Variants in PDK1 observed in about 807,000 individuals in gnomAD.
PDK1 encodes [Pyruvate dehydrogenase (acetyl-transferring)] kinase isozyme 1, mitochondrial.
PDK1 carries 39 observed loss-of-function variants against 54.2 expected under a neutral mutation model. That is an observed-to-expected ratio of 0.72 (90% confidence interval 0.56 to 0.94). The LOEUF (loss-of-function observed/expected upper bound fraction) is 0.94, where lower values mean the gene tolerates loss of function less well. Among genes scored for constraint, PDK1 ranks in the 40% least tolerant of loss-of-function variants. PDK1 has a pLI of 0.00. For missense variants in PDK1, 552 were observed against 566.0 expected (o/e 0.98, Z 0.25); for synonymous variants, 221 against 207.1 (o/e 1.07, Z -0.58).
chr2:172,660,245 CTCTT>C, the PDK1 span, among the ~76,000 whole-genome samples: 16 of 55,658 alleles, frequency 2.9e-4, no homozygotes, highest in African/African-American at 1.0e-3. Context: ...CTCTCTCTCT[CTCTT>C]TTTTTTTTTT....
chr2:172,681,185 G>A, the PDK1 span, among the ~76,000 whole-genome samples: 2 of 152,178 alleles, frequency 1.3e-5, no homozygotes, highest in African/African-American at 2.4e-5. Context: ...TATTGGGAAC[G>A]AAAGTTGTGC....
chr2:172,676,270 C>T, the PDK1 span, among the ~76,000 whole-genome samples: 1 of 152,118 alleles, frequency 6.6e-6, no homozygotes, highest in South Asian at 2.1e-4. Context: ...TTGAGAAATA[C>T]ATTTTGTAAG....
chr2:172,650,867 C>T, the PDK1 span, among the ~76,000 whole-genome samples: 2 of 152,160 alleles, frequency 1.3e-5, no homozygotes, highest in Non-Finnish European at 2.9e-5. Context: ...CTTAGACTCC[C>T]ACACAATAAT....
At chr2:172,645,674 T>G in the PDK1 span, among the ~76,000 whole-genome samples, 1 of 152,174 alleles carries the variant, frequency 6.6e-6, no homozygotes, top group Non-Finnish European at 1.5e-5. Context: ...GAAAAACGAC[T>G]TAGACTGTGT....
chr2:172,584,485 G>A (rs1690097410), intron 8 of PDK1, among the ~76,000 whole-genome samples: 1 of 151,186 alleles, frequency 6.6e-6, no homozygotes, highest in Non-Finnish European at 1.5e-5. Context: ...ATTTTAGAAT[G>A]TACTTTCTTT....
At chr2:172,558,978 T>C in intron 2 of PDK1, 129 bp downstream of exon 2, 1 of 965,454 alleles carries the variant, frequency 1.0e-6, no homozygotes, top group Non-Finnish European at 1.5e-6. Flanking sequence ...AGACGGAGTC[T>C]TGCTCTGTCG....
the PDK1 span, among the ~76,000 whole-genome samples, chr2:172,646,435 A>G: frequency 6.6e-6 from 1 of 152,036 alleles, no homozygotes; most frequent in Admixed American, 6.6e-5. Flanking sequence ...TCTGTTTGGA[A>G]CTGTTTGGAT....
chr2:172,694,963 T>A, the PDK1 span, among the ~76,000 whole-genome samples: 4 of 151,918 alleles, frequency 2.6e-5, no homozygotes, highest in Admixed American at 6.6e-5. Context: ...CTAAAAAATA[T>A]AAAAATTAGC....
the PDK1 span, among the ~76,000 whole-genome samples, chr2:172,709,522 CA>C: frequency 6.6e-6 from 1 of 152,182 alleles, no homozygotes; most frequent in Non-Finnish European, 1.5e-5. Flanking sequence ...TGCTTAATTT[CA>C]GCAAACTTTT....
intron 10 of PDK1, 30 bp from the exon 11 acceptor site, chr2:172,595,799 C>A: frequency 6.3e-7 from 1 of 1,592,192 alleles, no homozygotes; most frequent in South Asian, 1.1e-5. Flanking sequence ...AAATGCCAGA[C>A]TTAATAGGTC....
At chr2:172,663,726 C>T in the PDK1 span, among the ~76,000 whole-genome samples, 1 of 152,174 alleles carries the variant, frequency 6.6e-6, no homozygotes, top group African/African-American at 2.4e-5. Context: ...AAATGCTGGG[C>T]AGGAAGCACT....
the PDK1 span, among the ~76,000 whole-genome samples, chr2:172,711,812 G>A: frequency 7.2e-6 from 1 of 138,162 alleles, no homozygotes; most frequent in East Asian, 2.5e-4. Context: ...GCTGCAGTGA[G>A]CTGTAATTGT....
intron 10 of PDK1, among the ~76,000 whole-genome samples, chr2:172,594,380 A>G (rs113080851): frequency 0.042 from 6,327 of 152,228 alleles, 445 homozygotes; most frequent in African/African-American, 0.15. Context: ...AGGAGTGTCC[A>G]ATCTTATGGC....
At chr2:172,660,541 G>A in the PDK1 span, among the ~76,000 whole-genome samples, 2 of 152,006 alleles carry the variant, frequency 1.3e-5, no homozygotes, top group Non-Finnish European at 2.9e-5. Context: ...ACAGGTGTGA[G>A]CCACAGTGCC....
chr2:172,661,369 C>A, the PDK1 span, among the ~76,000 whole-genome samples: 15 of 152,214 alleles, frequency 9.9e-5, no homozygotes, highest in East Asian at 2.5e-3. Context: ...TACTCAAAAA[C>A]CATCAATTCT....
chr2:172,682,135 A>G, the PDK1 span, among the ~76,000 whole-genome samples: 5 of 152,244 alleles, frequency 3.3e-5, no homozygotes, highest in South Asian at 6.2e-4. Flanking sequence ...CTTGAAAGTG[A>G]TAAGGAAGTC....
the PDK1 span, among the ~76,000 whole-genome samples, chr2:172,718,487 T>C: frequency 6.6e-6 from 1 of 152,256 alleles, no homozygotes; most frequent in African/African-American, 2.4e-5. Context: ...CTGTAAGATA[T>C]ATTTTAGAAA....
the PDK1 span, among the ~76,000 whole-genome samples, chr2:172,680,062 T>G: frequency 2.0e-5 from 3 of 152,218 alleles, no homozygotes; most frequent in Admixed American, 2.0e-4. Context: ...CAGGTCCATT[T>G]TTCTTAGTAG....
chr2:172,565,115 TCAAA>T, intron 5 of PDK1, 42 bp downstream of exon 5: 1 of 1,169,310 alleles, frequency 8.6e-7, no homozygotes, highest in Non-Finnish European at 1.3e-6. Context: ...GATACAAAAA[TCAAA>T]ATTATTGTTA....
Sources: gnomAD v4.1 joint callset for allele counts (sites outside exome capture counted in the v4.1 genomes callset) on GRCh38, gnomAD v4.1.1 for gene constraint, MANE v1.5 for transcripts, NCBI Gene and HGNC (gene_info 2026-07-23, HGNC 2026-07-21) for gene names.